MRPS6: variants seen among roughly 807,000 people sequenced by gnomAD.
MRPS6 encodes small ribosomal subunit protein bS6m.
MRPS6 carries 6 observed loss-of-function variants against 13.1 expected under a neutral mutation model. That is an observed-to-expected ratio of 0.46 (90% CI 0.25 to 0.91). The LOEUF (loss-of-function observed/expected upper bound fraction) is 0.91, where lower values mean the gene tolerates loss of function less well. Ranked by LOEUF, MRPS6 falls within the 40% of genes least tolerant of loss-of-function variation. MRPS6 has a pLI of 0.18. For missense variants in MRPS6, 164 were observed against 155.6 expected (o/e 1.05, Z -0.29); for synonymous variants, 61 against 56.5 (o/e 1.08, Z -0.36).
chr21:34,100,675 G>A, intron 1 of MRPS6: 2 of 1,000,206 alleles, frequency 2.0e-6, no homozygotes, highest in Non-Finnish European at 1.2e-6. Context: ...AGTTGAGGGG[G>A]TTGTTATGCA....
At position 34,117,620 on chromosome 21, in the gene MRPS6, T is replaced by C. The variant is rs540072901; in HGVS notation, c.46-7721T>C. On this transcript the variant is annotated intron_variant, in intron 1 of 2. Coordinates refer to ENST00000399312, the MANE Select transcript of MRPS6 (RefSeq NM_032476.4). Reference sequence around the variant, plus strand: ...GCGAGCAGCTTGGACATACTTGTCTTGAGGAAGACACTTTGAGAAGAATGT... The same window carrying C: ...GCGAGCAGCTTGGACATACTTGTCTCGAGGAAGACACTTTGAGAAGAATGT... Among the ~76,000 whole-genome samples the C allele has an allele frequency of 2.0e-5, 3 of 152,314 alleles. No individual in the cohort carries two copies. The South Asian group carries it at 6.2e-4, about 32-fold the overall frequency.
At chr21:34,076,237 C>G (rs965295340) in intron 1 of MRPS6, among the ~76,000 whole-genome samples, 5 of 152,126 alleles carry the variant, frequency 3.3e-5, no homozygotes, top group Admixed American at 6.5e-5. Context: ...GGAGAGCATT[C>G]TTAGTCTGTT....
intron 1 of MRPS6, among the ~76,000 whole-genome samples, chr21:34,082,551 G>C (rs749265760): frequency 1.3e-5 from 2 of 152,004 alleles, no homozygotes; most frequent in African/African-American, 4.8e-5. Flanking sequence ...TGCTCAGAGT[G>C]TATCTGTGGA....
chr21:34,107,986 C>T (rs1023615177), intron 1 of MRPS6, among the ~76,000 whole-genome samples: 1 of 152,144 alleles, frequency 6.6e-6, no homozygotes, highest in Admixed American at 6.6e-5. Flanking sequence ...AATACACATA[C>T]AGTCACATGT....
chr21:34,101,201 A>G (rs1367524311), intron 1 of MRPS6: 3 of 1,000,128 alleles, frequency 3.0e-6, no homozygotes, highest in Non-Finnish European at 3.6e-6. Flanking sequence ...GACAACAAAT[A>G]TTAGCTTAAA....
chr21:34,140,025 C>T (rs1406023208), intron 2 of MRPS6, among the ~76,000 whole-genome samples: 1 of 152,034 alleles, frequency 6.6e-6, no homozygotes, highest in Admixed American at 6.5e-5. Flanking sequence ...CCTCTTTTTA[C>T]TCAACAGTCT....
chr21:34,118,870 C>T (rs1351381056), intron 1 of MRPS6, among the ~76,000 whole-genome samples: 1 of 152,042 alleles, frequency 6.6e-6, no homozygotes, highest in Non-Finnish European at 1.5e-5. Flanking sequence ...CAAAGGAGTA[C>T]AGCATTTAAA....
At chr21:34,105,990 G>T (rs1979459894) in intron 1 of MRPS6, 51 of 995,010 alleles carry the variant, frequency 5.1e-5, no homozygotes, top group Non-Finnish European at 6.2e-5. Context: ...TTTTGAAAGT[G>T]TTATTGTTTA....
At chr21:34,090,539 A>G (rs1211227743) in intron 1 of MRPS6, among the ~76,000 whole-genome samples, 1 of 152,158 alleles carries the variant, frequency 6.6e-6, no homozygotes. Context: ...TATTTTATCT[A>G]ATCTTTCTAT....
chr21:34,095,505 C>T (rs199604646), intron 1 of MRPS6: 63 of 1,613,904 alleles, frequency 3.9e-5, no homozygotes, highest in Middle Eastern at 3.3e-4. Context: ...AATTTACATC[C>T]GGTCAGGGGT....
At chr21:34,117,802 T>TC (rs1979978712) in intron 1 of MRPS6, among the ~76,000 whole-genome samples, 1 of 152,172 alleles carries the variant, frequency 6.6e-6, no homozygotes, top group South Asian at 2.1e-4. Flanking sequence ...CCTGTGTATG[T>TC]ATGTATCTCC....
At chr21:34,080,687 G>C (rs1989438692) in intron 1 of MRPS6, among the ~76,000 whole-genome samples, 1 of 152,142 alleles carries the variant, frequency 6.6e-6, no homozygotes, top group South Asian at 2.1e-4. Context: ...CAGTTAATTG[G>C]TGAATATGTT....
At chr21:34,079,470 G>T (rs2148652549) in intron 1 of MRPS6, among the ~76,000 whole-genome samples, 1 of 151,902 alleles carries the variant, frequency 6.6e-6, no homozygotes, top group East Asian at 1.9e-4. Flanking sequence ...GAGTCTTGCT[G>T]TGTTGCCTAG....
chr21:34,122,695 T>C (rs1270222482), intron 1 of MRPS6: 3 of 151,022 alleles, frequency 2.0e-5, no homozygotes, highest in Non-Finnish European at 4.4e-5. Flanking sequence ...ATCAGAAAAC[T>C]AATCAATCAA....
chr21:34,104,640 A>G, intron 1 of MRPS6: 1 of 1,000,254 alleles, frequency 1.0e-6, no homozygotes, highest in Non-Finnish European at 1.2e-6. Flanking sequence ...GCCAGCAAAA[A>G]GCTAGCCAGG....
chr21:34,093,595 G>A (rs1415545018), intron 1 of MRPS6, among the ~76,000 whole-genome samples: 1 of 152,112 alleles, frequency 6.6e-6, no homozygotes, highest in African/African-American at 2.4e-5. Context: ...ATCAGAAAAA[G>A]CATGGAAAAA....
At chr21:34,089,729 G>A (rs1978584618) in intron 1 of MRPS6, among the ~76,000 whole-genome samples, 1 of 152,092 alleles carries the variant, frequency 6.6e-6, no homozygotes, top group Admixed American at 6.5e-5. Flanking sequence ...GAGGAGGGCC[G>A]CAGTCCCTCC....
chr21:34,100,546 C>A, intron 1 of MRPS6: 1 of 1,000,224 alleles, frequency 1.0e-6, no homozygotes, highest in Non-Finnish European at 1.2e-6. Context: ...CTCAAAGGAT[C>A]CATTGTATTT....
At chr21:34,098,237 CT>C in intron 1 of MRPS6, 4 of 999,434 alleles carry the variant, frequency 4.0e-6, no homozygotes, top group Non-Finnish European at 4.8e-6. Flanking sequence ...CTCATATATT[CT>C]GCTAATTTTC....
Sources: gnomAD v4.1 joint callset for allele counts (sites outside exome capture counted in the v4.1 genomes callset) on GRCh38, gnomAD v4.1.1 for gene constraint, MANE v1.5 for transcripts, NCBI Gene and HGNC (gene_info 2026-07-23, HGNC 2026-07-21) for gene names.